SRGAP3: variants seen among roughly 807,000 people sequenced by gnomAD.
SRGAP3 encodes SLIT-ROBO Rho GTPase activating protein 3.
Under a neutral mutation model 121.1 loss-of-function variants are expected in SRGAP3, and 39 were observed. That is an observed-to-expected ratio of 0.32 (90% CI 0.25 to 0.42). The LOEUF (loss-of-function observed/expected upper bound fraction) is 0.42, where lower values mean the gene tolerates loss of function less well. Among genes scored for constraint, SRGAP3 ranks in the 10% least tolerant of loss-of-function variants. The pLI is 1.00. For missense variants in SRGAP3, 1,213 were observed against 1,470.6 expected (o/e 0.82, Z 2.86); for synonymous variants, 601 against 570.0 (o/e 1.05, Z -0.77).
intron 1 of SRGAP3, among the ~76,000 whole-genome samples, chr3:9,151,964 C>A (rs1322150983): frequency 6.6e-6 from 1 of 152,232 alleles, no homozygotes; most frequent in East Asian, 1.9e-4. Context: ...GCCCCTCCTG[C>A]TCCTCCCCAC....
intron 1 of SRGAP3, among the ~76,000 whole-genome samples, chr3:9,339,055 A>C (rs777874899): frequency 1.3e-5 from 2 of 152,226 alleles, no homozygotes; most frequent in Non-Finnish European, 1.5e-5. Flanking sequence ...TAGCCCTGAA[A>C]TGACCCATGG....
chr3:9,124,905 T>A lies in SRGAP3; in HGVS notation c.80A>T (p.Gln27Leu). 1 of 1,614,152 alleles carries A rather than the reference T, an allele frequency of 6.2e-7. No homozygotes were observed. Among genetic ancestry groups the A allele is most frequent in the Non-Finnish European group, 8.5e-7 (1 of 1,180,032 alleles). The change falls in exon 2 of 22, where the codon CAG becomes CTG. Residue 27 changes from glutamine (Q) to leucine (L), a missense_variant. Gln to Leu is a moderately radical substitution (Grantham distance 113). Around this residue, in one of 2 missense-constraint regions of SRGAP3, gnomAD observed 793 missense variants for 1,032.9 expected, o/e 0.77. Coordinates refer to ENST00000383836, the MANE Select transcript of SRGAP3 (RefSeq NM_014850.4). ...YEAQIKEIRT[Q>L]LVEQFKCLEQ... ...CAGACATTTGAACTGCTCCACCAGCTGCGTGCGGATCTCTGCGGGCACACA... is the reference window on the plus strand; with the variant it reads ...CAGACATTTGAACTGCTCCACCAGCAGCGTGCGGATCTCTGCGGGCACACA...
chr3:9,229,439 C>T (rs1028233171), intron 1 of SRGAP3, among the ~76,000 whole-genome samples: 1 of 152,172 alleles, frequency 6.6e-6, no homozygotes, highest in South Asian at 2.1e-4. Flanking sequence ...AGCTGAGATT[C>T]AGGTGTGGGC....
intron 3 of SRGAP3, among the ~76,000 whole-genome samples, chr3:9,310,480 G>C (rs1574993109): frequency 1.3e-5 from 2 of 152,150 alleles, no homozygotes; most frequent in East Asian, 3.9e-4. Context: ...CTTAGGTGTG[G>C]GCCTGCAACC....
chr3:9,147,509 G>C (rs929535716), intron 1 of SRGAP3, among the ~76,000 whole-genome samples: 18 of 152,026 alleles, frequency 1.2e-4, no homozygotes, highest in African/African-American at 4.1e-4. Flanking sequence ...CGGACTAGGT[G>C]AGCCCAGACT....
chr3:9,331,675 T>A lies in SRGAP3; in HGVS notation n.215-1079A>T, dbSNP rs1016601130. Among the ~76,000 whole-genome samples, 8 of 152,342 alleles carry A rather than the reference T, an allele frequency of 5.3e-5. No homozygotes were observed. The East Asian group carries it at 1.5e-3, about 29-fold the overall frequency. On this transcript the variant is annotated intron_variant and non_coding_transcript_variant, in intron 1 of 3. Transcript: ENST00000490889. ...TTGAGACTTGCTTTGACTGACAGAATAGGGCAGAAATGACATTGCATAAGT... is the reference window on the plus strand; with the variant it reads ...TTGAGACTTGCTTTGACTGACAGAAAAGGGCAGAAATGACATTGCATAAGT...
chr3:9,068,328 C>G (rs1946525565), intron 4 of SRGAP3, among the ~76,000 whole-genome samples: 2 of 152,166 alleles, frequency 1.3e-5, no homozygotes. Flanking sequence ...CCCACATATC[C>G]TTTGCCTAGT....
chr3:9,142,978 T>C (rs560120674), intron 1 of SRGAP3, among the ~76,000 whole-genome samples: 7 of 151,762 alleles, frequency 4.6e-5, no homozygotes, highest in Non-Finnish European at 1.0e-4. Context: ...GCTGGGACTA[T>C]AGGCATGCAC....
chr3:9,071,789 T>C (rs1334964034), intron 4 of SRGAP3, among the ~76,000 whole-genome samples: 2 of 152,012 alleles, frequency 1.3e-5, no homozygotes, highest in Admixed American at 1.3e-4. Flanking sequence ...CTAGTGAGTA[T>C]ATTGGCGGGG....
At chr3:9,097,583 C>A (rs1168282379) in intron 3 of SRGAP3, among the ~76,000 whole-genome samples, 1 of 152,212 alleles carries the variant, frequency 6.6e-6, no homozygotes, top group Non-Finnish European at 1.5e-5. Flanking sequence ...GGTGTGGATT[C>A]CGTCTCCCAC....
chr3:9,002,972 A>C (rs1022316758), intron 18 of SRGAP3, among the ~76,000 whole-genome samples: 1 of 152,242 alleles, frequency 6.6e-6, no homozygotes, highest in Non-Finnish European at 1.5e-5. Context: ...GCCCAGGCCC[A>C]GATGGCTACA....
At chr3:9,258,833 G>T (rs1195979648) in intron 3 of SRGAP3, among the ~76,000 whole-genome samples, 2 of 152,086 alleles carry the variant, frequency 1.3e-5, no homozygotes, top group African/African-American at 4.8e-5. Context: ...CTCCCTGCTG[G>T]TCCCTCTGTC....
At chr3:9,164,400 G>A (rs1011774644) in intron 1 of SRGAP3, among the ~76,000 whole-genome samples, 2 of 150,582 alleles carry the variant, frequency 1.3e-5, no homozygotes, top group Admixed American at 6.6e-5. Flanking sequence ...AGCGATTCTT[G>A]TGCCTCAGCC....
At chr3:9,275,684 C>T (rs1954559939) in intron 3 of SRGAP3, among the ~76,000 whole-genome samples, 1 of 152,126 alleles carries the variant, frequency 6.6e-6, no homozygotes, top group Non-Finnish European at 1.5e-5. Flanking sequence ...TTCTCTCTTA[C>T]CTGCTGCCAT....
At chr3:9,088,107 C>T (rs1260137635) in intron 3 of SRGAP3, among the ~76,000 whole-genome samples, 6 of 152,186 alleles carry the variant, frequency 3.9e-5, no homozygotes, top group African/African-American at 9.7e-5. Flanking sequence ...ACAGGAAACC[C>T]AAACCCTGTG....
intron 1 of SRGAP3, among the ~76,000 whole-genome samples, chr3:9,224,741 A>G (rs1031247208): frequency 2.0e-5 from 3 of 152,208 alleles, no homozygotes; most frequent in Non-Finnish European, 2.9e-5. Context: ...ACAAGCTCCT[A>G]TGTCTACACT....
chr3:9,008,800 G>A (rs1292055760), intron 18 of SRGAP3, among the ~76,000 whole-genome samples: 6 of 152,222 alleles, frequency 3.9e-5, no homozygotes, highest in Non-Finnish European at 8.8e-5. Flanking sequence ...TCCCTCTCAG[G>A]CCATGGGGAC....
chr3:9,270,634 ATAT>A (rs1954455511), intron 3 of SRGAP3, among the ~76,000 whole-genome samples: 1 of 152,242 alleles, frequency 6.6e-6, no homozygotes, highest in African/African-American at 2.4e-5. Context: ...CATAATACAA[ATAT>A]TATATACACA....
chr3:9,135,851 G>C (rs766170665), intron 1 of SRGAP3, among the ~76,000 whole-genome samples: 2 of 152,242 alleles, frequency 1.3e-5, no homozygotes, highest in Non-Finnish European at 2.9e-5. Context: ...CTTTGGGGAA[G>C]TGGCTTCAGC....
Sources: allele counts gnomAD v4.1 joint callset (sites outside exome capture counted in the v4.1 genomes callset), GRCh38; gene constraint gnomAD v4.1.1; regional missense constraint gnomAD v4.1.1; transcripts MANE v1.5; gene names NCBI Gene and HGNC (gene_info 2026-07-23, HGNC 2026-07-21).